The following PHACTR2 variants were observed in gnomAD, a reference collection of about 807,000 sequenced individuals.
PHACTR2 encodes chromosome 6 open reading frame 56.
Under a neutral mutation model 76.0 loss-of-function variants are expected in PHACTR2, and 30 were observed. The observed-to-expected ratio is 0.39, with a 90% confidence interval of 0.30 to 0.54. The LOEUF is 0.54. Among genes scored for constraint, PHACTR2 ranks in the 20% least tolerant of loss-of-function variants. The probability of loss-of-function intolerance (pLI) is 0.61; values close to 1 mark genes in which losing one functional copy is unlikely to be tolerated. For synonymous variants in PHACTR2, 292 were observed against 292.5 expected, an observed-to-expected ratio of 1.00 and a Z score of 0.02; for missense variants, 696 against 781.1, an observed-to-expected ratio of 0.89 and a Z score of 1.30.
chr6:143,551,529 G>C (rs1366088623), intron 1 of PHACTR2, among the ~76,000 whole-genome samples: 1 of 152,110 alleles, frequency 6.6e-6, no homozygotes, highest in Admixed American at 6.5e-5. Context: ...AAAAGGTAAG[G>C]CTGAACAAGA....
rs143323780 is a variant in PHACTR2 at position 143,709,348 on chromosome 6, A to G, written c.47-2668A>G. On this transcript the variant is annotated intron_variant, in intron 1 of 12. Coordinates refer to ENST00000440869, the MANE Select transcript of PHACTR2 (RefSeq NM_001100164.2). The surrounding 1 kb of genome is among the most constrained non-coding windows in gnomAD (Gnocchi z 4.4). ...AGTACCTGAAATTAGAGTAGACTTC[A>G]CTAGTGGAAGGAATAGGATTTATTC... Among the ~76,000 whole-genome samples the G allele has an allele frequency of 0.013, 2,046 of 152,300 alleles. 18 individuals are homozygous for G. Among genetic ancestry groups the G allele is most frequent in the South Asian group, 0.032 (154 of 4,820 alleles).
intron 1 of PHACTR2, among the ~76,000 whole-genome samples, chr6:143,620,118 A>G (rs774586529): frequency 2.0e-5 from 3 of 152,176 alleles, no homozygotes; most frequent in Non-Finnish European, 4.4e-5. Context: ...ATTAAAGCCA[A>G]CTTTGTTTTT....
chr6:143,727,067 T>C lies in PHACTR2; in HGVS notation c.214+14884T>C, dbSNP rs546530704. Among the ~76,000 whole-genome samples the C allele has an allele frequency of 2.0e-5, 3 of 152,280 alleles. No homozygotes were observed. In the South Asian group the frequency reaches 6.2e-4, roughly 32 times the overall value. ...TTTATTTGATGTAACTGTATGTTTG[T>C]ACCCATTAATCTGCCTCTCTTTATC... On this transcript the variant is annotated intron_variant, in intron 2 of 12. Transcript: ENST00000440869.
At chr6:143,686,569 C>A (rs1777530301) in intron 1 of PHACTR2, among the ~76,000 whole-genome samples, 1 of 144,624 alleles carries the variant, frequency 6.9e-6, no homozygotes, top group African/African-American at 2.6e-5. Flanking sequence ...CTCACTGCAA[C>A]CTCCACCTTC....
rs181684633 is a variant in PHACTR2 at position 143,750,716 on chromosome 6, T to C, written c.295+1651T>C. ...GTGAAACTATTTGCCTCATAGATTA[T>C]AATTTCTTGGGCCAACATATACTTC... On this transcript the variant is annotated intron_variant, in intron 3 of 12. Coordinates refer to ENST00000440869, the MANE Select transcript of PHACTR2 (RefSeq NM_001100164.2). This position sits in a 1 kb window ranked among gnomAD's most constrained non-coding sequence, Gnocchi z 4.6. Among the ~76,000 whole-genome samples the C allele has an allele frequency of 6.6e-6, 1 of 152,358 alleles. No homozygotes were observed. Among genetic ancestry groups the C allele is most frequent in the Admixed American group, 6.5e-5 (1 of 15,300 alleles).
rs879459666 is a variant in PHACTR2 at position 143,823,174 on chromosome 6, G to T, written c.1923-500G>T. ...CTTAGTATATACCTGTGGAACATCT[G>T]GGGGGAAGCGCCCTGTGGGCTTTTG... On this transcript the variant is annotated intron_variant, in intron 12 of 12. Coordinates refer to ENST00000440869, the MANE Select transcript of PHACTR2 (RefSeq NM_001100164.2). This position sits in a 1 kb window ranked among gnomAD's most constrained non-coding sequence, Gnocchi z 5.7. Among the ~76,000 whole-genome samples the T allele has an allele frequency of 2.4e-4, 37 of 152,350 alleles. No individual in the cohort carries two copies. Among genetic ancestry groups the T allele is most frequent in the East Asian group, 5.8e-4 (3 of 5,192 alleles).
Position 143,537,593 on chromosome 6 carries a change from G to A in PHACTR2, c.217+386G>A, listed in dbSNP as rs557303817. Among the ~76,000 whole-genome samples the A allele has an allele frequency of 5.1e-4, 77 of 152,168 alleles. No individual in the cohort carries two copies. Among genetic ancestry groups the A allele is most frequent in the Non-Finnish European group, 1.0e-3 (68 of 68,022 alleles). On this transcript the variant is annotated intron_variant, in intron 1 of 11. Coordinates refer to the PHACTR2 transcript ENST00000367584. This position sits in a 1 kb window ranked among gnomAD's most constrained non-coding sequence, Gnocchi z 4.4. ...CGGCGCGACTTTGGTCCCTCGGAAGGGTGCGGTTCCCTCACTTTGCGGGCT... is the reference window on the plus strand; with the variant it reads ...CGGCGCGACTTTGGTCCCTCGGAAGAGTGCGGTTCCCTCACTTTGCGGGCT...
At chr6:143,615,394 T>C (rs6905279) in intron 1 of PHACTR2, among the ~76,000 whole-genome samples, 87,709 of 152,022 alleles carry the variant, frequency 0.58, 26,701 homozygotes, top group Middle Eastern at 0.71. Flanking sequence ...CATTTAATGA[T>C]GTTTAATTAA....
intron 1 of PHACTR2, among the ~76,000 whole-genome samples, chr6:143,634,525 T>C (rs1330669793): frequency 6.6e-6 from 1 of 152,222 alleles, no homozygotes; most frequent in East Asian, 1.9e-4. Context: ...GTGCCAGCTG[T>C]GCCTTGTGCT....
Position 143,818,820 on chromosome 6 carries a change from A to C in PHACTR2, c.1923-4854A>C, listed in dbSNP as rs1582912299. Among the ~76,000 whole-genome samples, 1 of 152,210 alleles carries C rather than the reference A, an allele frequency of 6.6e-6. No individual in the cohort carries two copies. Among genetic ancestry groups the C allele is most frequent in the Admixed American group, 6.5e-5 (1 of 15,286 alleles). ...CCTCCCACAACATGTGGGGATTATG[A>C]GATTACAATTCAAGGTGAGGTTTCG... On this transcript the variant is annotated intron_variant, in intron 12 of 12. Transcript: ENST00000440869. The surrounding 1 kb of genome is among the most constrained non-coding windows in gnomAD (Gnocchi z 4.9).
chr6:143,637,935 G>A (rs1314442677), intron 1 of PHACTR2, among the ~76,000 whole-genome samples: 1 of 152,206 alleles, frequency 6.6e-6, no homozygotes, highest in Non-Finnish European at 1.5e-5. Context: ...TACTTAAAGG[G>A]AGAGGATTAC....
In PHACTR2 at chr6:143,646,461, C is replaced by T. The variant is rs1776661225; in HGVS notation, c.13+38139C>T. Among the ~76,000 whole-genome samples, 1 of 152,084 alleles carries T rather than the reference C, an allele frequency of 6.6e-6. No individual in the cohort carries two copies. The highest frequency in any genetic ancestry group is 1.5e-5 in the Non-Finnish European group (1 of 68,006). ...GTAAAATCTAATTGACTTTATTTGG[C>T]AGACACAGGCAAACACATACATGTA... On this transcript the variant is annotated intron_variant, in intron 1 of 11. Transcript: ENST00000305766. The surrounding 1 kb of genome is among the most constrained non-coding windows in gnomAD (Gnocchi z 4.1).
chr6:143,764,232 TG>T lies in PHACTR2; in HGVS notation c.695-1027del, dbSNP rs1297816280. 3.9e-5 allele frequency among the ~76,000 whole-genome samples: 6 copies of T among 152,134 alleles called. No homozygotes were observed. Among genetic ancestry groups the T allele is most frequent in the Admixed American group, 3.9e-4 (6 of 15,274 alleles). Reference sequence around the variant, plus strand: ...TCACATTATTTAGAACCAGACACGGTGGCTCACACCTGTAATTCTTTGGAGC... The same window carrying T: ...TCACATTATTTAGAACCAGACACGGTGCTCACACCTGTAATTCTTTGGAGC... On this transcript the variant is annotated intron_variant, in intron 5 of 12. Coordinates refer to ENST00000440869, the MANE Select transcript of PHACTR2 (RefSeq NM_001100164.2). The surrounding 1 kb of genome is among the most constrained non-coding windows in gnomAD (Gnocchi z 4.7).
rs140950153 is a variant in PHACTR2, at chr6:143,627,260, T to C, written c.13+18938T>C. Among the ~76,000 whole-genome samples, 139 of 152,342 alleles carry C rather than the reference T, an allele frequency of 9.1e-4. No individual in the cohort carries two copies. The highest frequency in any genetic ancestry group is 2.7e-3 in the African/African-American group (113 of 41,570). On this transcript the variant is annotated intron_variant, in intron 1 of 11. Transcript: ENST00000305766. This position sits in a 1 kb window ranked among gnomAD's most constrained non-coding sequence, Gnocchi z 4.3. ...CTAGGCAGAGGGAAATGTGAGTCTC[T>C]AACTTTGTAGCTAAACATTATTATT...
intron 12 of PHACTR2, among the ~76,000 whole-genome samples, chr6:143,808,242 G>A (rs888385443): frequency 2.7e-5 from 4 of 150,714 alleles, no homozygotes; most frequent in African/African-American, 4.9e-5. Context: ...CGATTCTCCT[G>A]TGTCAGCCTC....
rs1334632387 is a variant in PHACTR2 at position 143,589,288 on chromosome 6, C to T, written c.217+52081C>T. On this transcript the variant is annotated intron_variant, in intron 1 of 11. Transcript: ENST00000367584. The surrounding 1 kb of genome is among the most constrained non-coding windows in gnomAD (Gnocchi z 4.4). The stretch of plus-strand genomic sequence containing the variant: ...GATTGGATCATGGGGGTGGATTTCC[C>T]CCTTGCTGTTGTCATGATAGTGAAT... 6.6e-6 allele frequency among the ~76,000 whole-genome samples: 1 copy of T among 152,112 alleles called. No homozygotes were observed. The highest frequency in any genetic ancestry group is 1.5e-5 in the Non-Finnish European group (1 of 68,024).
chr6:143,627,831 G>A lies in PHACTR2; in HGVS notation c.13+19509G>A, dbSNP rs1776286968. Among the ~76,000 whole-genome samples the A allele has an allele frequency of 2.0e-5, 3 of 151,892 alleles. No individual in the cohort carries two copies. The South Asian group carries it at 6.2e-4, about 32-fold the overall frequency. On this transcript the variant is annotated intron_variant, in intron 1 of 11. Transcript: ENST00000305766. This position sits in a 1 kb window ranked among gnomAD's most constrained non-coding sequence, Gnocchi z 4.3. The stretch of plus-strand genomic sequence containing the variant: ...TTAGCCAGGTTGGTCTCGATCTCCT[G>A]ACCTTGTGATCCGCCCACCTCGGCC...
At position 143,556,255 on chromosome 6, in the gene PHACTR2, A is replaced by T. The variant is rs1345774421; in HGVS notation, c.217+19048A>T. On this transcript the variant is annotated intron_variant, in intron 1 of 11. Coordinates refer to the PHACTR2 transcript ENST00000367584. The surrounding 1 kb of genome is among the most constrained non-coding windows in gnomAD (Gnocchi z 4.3). ...AGTTCATTTCAGACTTTCTTCCTTA[A>T]ATTCATTTATTTATTTCAGGACATT... 2.0e-5 allele frequency among the ~76,000 whole-genome samples: 3 copies of T among 152,186 alleles called. No homozygotes were observed. Among genetic ancestry groups the T allele is most frequent in the Non-Finnish European group, 4.4e-5 (3 of 68,038 alleles).
At chr6:143,565,807 T>C (rs981023332) in intron 1 of PHACTR2, among the ~76,000 whole-genome samples, 2 of 151,994 alleles carry the variant, frequency 1.3e-5, no homozygotes, top group East Asian at 3.9e-4. Flanking sequence ...TCTGGGCCTA[T>C]GGTTGCTGCA....
Sources: allele counts gnomAD v4.1 joint callset (sites outside exome capture counted in the v4.1 genomes callset), GRCh38; gene constraint gnomAD v4.1.1; non-coding constraint Gnocchi (gnomAD v3.1); transcripts MANE v1.5; gene names NCBI Gene and HGNC (gene_info 2026-07-23, HGNC 2026-07-21).